The following DPYD variants were observed in gnomAD, a reference collection of about 807,000 sequenced individuals.
DPYD encodes dihydropyrimidine dehydrogenase.
Under a neutral mutation model 116.2 loss-of-function variants are expected in DPYD, and 109 were observed. That is an observed-to-expected ratio of 0.94 (90% CI 0.80 to 1.10). DPYD has a LOEUF of 1.10. Among genes scored for constraint, DPYD ranks in the 50% least tolerant of loss-of-function variants. The pLI is 0.00. For synonymous variants in DPYD, 440 were observed against 432.0 expected, an observed-to-expected ratio of 1.02 and a Z score of -0.23; for missense variants, 1,302 against 1,254.5, an observed-to-expected ratio of 1.04 and a Z score of -0.57.
In DPYD at chr1:97,079,141, T is replaced by TATA; in HGVS notation, c.2910_2912dup (p.Ile971dup). Reference sequence around the variant, plus strand: ...GCAGGTGGGTTTCTGGATCAAACTGTATAGCCTGCAAACAGAAATAGAGGG... The same window carrying TATA: ...GCAGGTGGGTTTCTGGATCAAACTGTATAATAGCCTGCAAACAGAAATAGAGGG... On this transcript the variant is annotated inframe_insertion, in exon 23 of 23. Transcript: ENST00000370192. The TATA allele has an allele frequency of 6.2e-7, 1 of 1,613,384 alleles. No individual in the cohort carries two copies. Among genetic ancestry groups the TATA allele is most frequent in the Non-Finnish European group, 8.5e-7 (1 of 1,179,552 alleles).
chr1:97,117,710 G>C lies in DPYD; in HGVS notation c.2623-19078C>G, dbSNP rs557991714. Among the ~76,000 whole-genome samples the C allele has an allele frequency of 1.9e-3, 282 of 152,210 alleles. 1 individual carries two copies. Among genetic ancestry groups the C allele is most frequent in the Non-Finnish European group, 2.7e-3 (182 of 68,004 alleles). ...TGGGTTGTACTATTGTCAGGATTTA[G>C]TATTAAAGTTGGTCAAGGTTCATAA... On this transcript the variant is annotated intron_variant, in intron 20 of 22. Transcript: ENST00000370192.
rs148814825 is a variant in DPYD, at chr1:97,808,476, T to C, written c.233+19638A>G. Among the ~76,000 whole-genome samples, 417 of 152,288 alleles carry C rather than the reference T, an allele frequency of 2.7e-3. 2 individuals are homozygous for C. Among genetic ancestry groups the C allele is most frequent in the African/African-American group, 8.9e-3 (371 of 41,580 alleles). ...TAATCTTGTATCTGGCAACCTTGCC[T>C]ATTAGTAAGGAACTAATAATTGTTG... On this transcript the variant is annotated intron_variant, in intron 3 of 22. Transcript: ENST00000370192.
chr1:97,396,502 A>T (rs937848554), intron 14 of DPYD, among the ~76,000 whole-genome samples: 4 of 152,068 alleles, frequency 2.6e-5, no homozygotes, highest in Non-Finnish European at 5.9e-5. Flanking sequence ...ACAGCTCTGC[A>T]TACCATCTAA....
chr1:97,510,760 T>C (rs1227701554), intron 13 of DPYD, among the ~76,000 whole-genome samples: 1 of 152,020 alleles, frequency 6.6e-6, no homozygotes, highest in Non-Finnish European at 1.5e-5. Flanking sequence ...CTTTGTAACA[T>C]GCTTTGAATA....
intron 14 of DPYD, among the ~76,000 whole-genome samples, chr1:97,411,570 T>C (rs1488388553): frequency 1.3e-5 from 2 of 152,140 alleles, no homozygotes; most frequent in East Asian, 3.9e-4. Flanking sequence ...CTTAGGATAA[T>C]GATTAATGAT....
chr1:97,562,910 G>T (rs902661989), intron 11 of DPYD, among the ~76,000 whole-genome samples: 2 of 152,004 alleles, frequency 1.3e-5, no homozygotes, highest in African/African-American at 4.8e-5. Flanking sequence ...AGTAGAGACA[G>T]GGTTTCACCA....
chr1:97,660,330 T>C (rs1659175962), intron 8 of DPYD, among the ~76,000 whole-genome samples: 1 of 152,118 alleles, frequency 6.6e-6, no homozygotes, highest in African/African-American at 2.4e-5. Context: ...AATTTCATTG[T>C]AAAAAGTACA....
intron 3 of DPYD, among the ~76,000 whole-genome samples, chr1:97,792,365 C>T (rs1043205514): frequency 2.0e-5 from 3 of 152,040 alleles, no homozygotes; most frequent in African/African-American, 7.2e-5. Flanking sequence ...CCTCCACCCC[C>T]CAGGTTCAAG....
intron 2 of DPYD, among the ~76,000 whole-genome samples, chr1:97,839,331 C>G (rs1669929210): frequency 6.6e-6 from 1 of 152,192 alleles, no homozygotes; most frequent in African/African-American, 2.4e-5. Flanking sequence ...TTTTCTGTCT[C>G]CAACCTAACA....
chr1:97,335,392 T>G (rs1056123824), intron 16 of DPYD, among the ~76,000 whole-genome samples: 14 of 151,142 alleles, frequency 9.3e-5, no homozygotes, highest in Non-Finnish European at 4.4e-5. Context: ...AAAAAGGCAG[T>G]CCATGTAACT....
chr1:97,506,808 T>G (rs972736204), intron 13 of DPYD, among the ~76,000 whole-genome samples: 3 of 152,044 alleles, frequency 2.0e-5, no homozygotes, highest in Non-Finnish European at 4.4e-5. Context: ...TAAAAGATTT[T>G]TACTTAATAT....
intron 20 of DPYD, among the ~76,000 whole-genome samples, chr1:97,176,283 A>G (rs1413233): frequency 0.02 from 3,113 of 152,318 alleles, 99 homozygotes; most frequent in African/African-American, 0.07. Flanking sequence ...GCAGGCCATG[A>G]GAAGCCTTGC....
intron 11 of DPYD, among the ~76,000 whole-genome samples, chr1:97,569,045 T>C (rs1231119880): frequency 6.6e-6 from 1 of 152,136 alleles, no homozygotes; most frequent in East Asian, 1.9e-4. Context: ...AGTACATTCA[T>C]TCAGTTGTCT....
At chr1:97,883,771 C>A (rs1049912871) in intron 1 of DPYD, 1 of 406,426 alleles carries the variant, frequency 2.5e-6, no homozygotes, top group Non-Finnish European at 4.7e-6. Context: ...CAAACTTTAT[C>A]TAAGATTTCC....
chr1:97,613,941 T>G (rs1258444872), intron 8 of DPYD, among the ~76,000 whole-genome samples: 1 of 152,066 alleles, frequency 6.6e-6, no homozygotes, highest in African/African-American at 2.4e-5. Context: ...TATCTAATTA[T>G]CTGGCTCACG....
At chr1:97,360,463 A>G (rs767096995) in intron 16 of DPYD, among the ~76,000 whole-genome samples, 4 of 152,162 alleles carry the variant, frequency 2.6e-5, no homozygotes, top group Admixed American at 6.5e-5. Context: ...CCTAATAGAC[A>G]TCTACAGAAC....
chr1:97,273,794 A>G (rs1229263355), intron 18 of DPYD, among the ~76,000 whole-genome samples: 3 of 152,138 alleles, frequency 2.0e-5, no homozygotes, highest in African/African-American at 7.2e-5. Flanking sequence ...TGTCTTTTGC[A>G]TTATTTGAAA....
chr1:97,654,176 TG>T, intron 8 of DPYD, among the ~76,000 whole-genome samples: 1 of 152,298 alleles, frequency 6.6e-6, no homozygotes, highest in Non-Finnish European at 1.5e-5. Flanking sequence ...AAATATACAC[TG>T]TCCTGCTTCC....
intron 18 of DPYD, among the ~76,000 whole-genome samples, chr1:97,237,617 G>A (rs186310447): frequency 7.6e-4 from 116 of 152,188 alleles, no homozygotes; most frequent in Middle Eastern, 3.4e-3. Flanking sequence ...TTTATAGTGA[G>A]AATACAAAAA....
Sources: allele counts gnomAD v4.1 joint callset (sites outside exome capture counted in the v4.1 genomes callset), GRCh38; gene constraint gnomAD v4.1.1; transcripts MANE v1.5; gene names NCBI Gene and HGNC (gene_info 2026-07-23, HGNC 2026-07-21).